EPB41: variants seen among roughly 807,000 people sequenced by gnomAD.
The protein encoded by EPB41 is protein 4.1.
A neutral mutation model predicts 108.0 loss-of-function variants in EPB41; 65 were observed. The observed-to-expected ratio is 0.60, with a 90% CI of 0.49 to 0.74. EPB41 has a LOEUF of 0.74. Among genes scored for constraint, EPB41 ranks in the 30% least tolerant of loss-of-function variants. The probability of loss-of-function intolerance (pLI) is 0.00; values close to 1 mark genes in which losing one functional copy is unlikely to be tolerated. For synonymous variants in EPB41, 336 were observed against 358.9 expected (o/e 0.94, Z 0.72); for missense variants, 875 against 1,037.0 (o/e 0.84, Z 2.15).
Position 29,018,356 on chromosome 1 carries a change from C to T in EPB41, c.1038C>T (p.Gly346=), listed in dbSNP as rs762375509. Residue 346 remains glycine, a synonymous_variant, in exon 7 of 21, where the codon GGC becomes GGT. Coordinates refer to ENST00000343067, the MANE Select transcript of EPB41 (RefSeq NM_001376013.1). The surrounding 1 kb of genome is among the most constrained non-coding windows in gnomAD (Gnocchi z 4.4). Reference sequence around the variant, plus strand: ...GAGACTACGACCCAGAACTCCATGGCGTGGATTATGTTAGTGATTTTAAAC... The same window carrying T: ...GAGACTACGACCCAGAACTCCATGGTGTGGATTATGTTAGTGATTTTAAAC... ...ELGDYDPELH[G]VDYVSDFKLA... is the part of the protein sequence containing the mutation. 9.9e-6 allele frequency: 16 copies of T among 1,613,940 alleles called. No homozygotes were observed. The highest frequency in any genetic ancestry group is 1.6e-4 in the Middle Eastern group (1 of 6,084).
intron 12 of EPB41, among the ~76,000 whole-genome samples, chr1:29,056,777 C>T (rs1483789109): frequency 6.6e-5 from 10 of 152,150 alleles, no homozygotes; most frequent in Non-Finnish European, 1.3e-4. Context: ...CCGCCCACCT[C>T]GGCCTCCCAA....
At chr1:29,078,539 A>G (rs536584569) in intron 16 of EPB41, among the ~76,000 whole-genome samples, 1 of 152,184 alleles carries the variant, frequency 6.6e-6, no homozygotes, top group South Asian at 2.1e-4. Flanking sequence ...CAGGAGGATC[A>G]CTTGAGGCCA....
intron 5 of EPB41, among the ~76,000 whole-genome samples, 169 bp from the exon 6 acceptor site, chr1:29,015,523 C>T (rs540989021): frequency 2.0e-5 from 3 of 151,564 alleles, no homozygotes; most frequent in South Asian, 2.1e-4. Flanking sequence ...CGCTAGATCA[C>T]GCTTCACGCT....
At chr1:29,057,390 A>AAAG (rs1553270977) in intron 12 of EPB41, among the ~76,000 whole-genome samples, 2 of 150,608 alleles carry the variant, frequency 1.3e-5, no homozygotes, top group Non-Finnish European at 3.0e-5. Flanking sequence ...AAAAAAAAAA[A>AAAG]AAAAAAGAAA....
chr1:29,101,242 GAGAA>G (rs1477989251), intron 17 of EPB41, among the ~76,000 whole-genome samples: 2 of 151,730 alleles, frequency 1.3e-5, no homozygotes, highest in Admixed American at 6.6e-5. Context: ...GAAAAAAAAA[GAGAA>G]AGAGAGAAAT....
chr1:29,080,685 G>A (rs1378428351), intron 16 of EPB41, among the ~76,000 whole-genome samples: 2 of 152,130 alleles, frequency 1.3e-5, no homozygotes, highest in African/African-American at 4.8e-5. Flanking sequence ...CACTGAGCCT[G>A]GTTTTGCGGA....
At chr1:28,972,256 C>T (rs745678924) in intron 1 of EPB41, among the ~76,000 whole-genome samples, 2 of 152,186 alleles carry the variant, frequency 1.3e-5, no homozygotes, top group Non-Finnish European at 2.9e-5. Context: ...AGAAATAAAA[C>T]TCAATTCGGT....
intron 5 of EPB41, among the ~76,000 whole-genome samples, chr1:29,014,590 G>A (rs1205153090): frequency 6.6e-6 from 1 of 151,712 alleles, no homozygotes; most frequent in African/African-American, 2.4e-5. Flanking sequence ...TTTAGAGATG[G>A]GGTTTCACTC....
chr1:28,902,334 T>C (rs2091395083), intron 1 of EPB41: 1 of 985,238 alleles, frequency 1.0e-6, no homozygotes. Flanking sequence ...TTTGCAGAAT[T>C]TCTAGTTGGG....
At chr1:29,096,500 A>G in intron 16 of EPB41, 1 of 985,914 alleles carries the variant, frequency 1.0e-6, no homozygotes, top group Non-Finnish European at 1.2e-6. Context: ...GGCAGAGAGT[A>G]GTGAAGAACA....
At chr1:29,044,068 A>G (rs549333284) in intron 11 of EPB41, among the ~76,000 whole-genome samples, 2 of 152,376 alleles carry the variant, frequency 1.3e-5, no homozygotes, top group East Asian at 3.8e-4. Context: ...AGGCATAATC[A>G]TTTAATCTTC....
chr1:28,897,643 GGGAGA>G (rs1416661928), intron 1 of EPB41, among the ~76,000 whole-genome samples: 1 of 23,170 alleles, frequency 4.3e-5, no homozygotes, highest in Non-Finnish European at 7.8e-5. Flanking sequence ...GGGAGAGGAG[GGGAGA>G]GGAGGGGAGG....
intron 16 of EPB41, among the ~76,000 whole-genome samples, chr1:29,073,461 C>A (rs533760225): frequency 6.6e-6 from 1 of 152,132 alleles, no homozygotes; most frequent in Non-Finnish European, 1.5e-5. Context: ...AATTCTTGGT[C>A]TTTTGGGAGC....
In EPB41 at chr1:28,901,217, C is replaced by CCG. The variant is rs1557621439; in HGVS notation, c.-8+14007_-8+14008insCG. 6.8e-5 allele frequency among the ~76,000 whole-genome samples: 10 copies of CCG among 147,528 alleles called. 1 individual carries two copies. Among genetic ancestry groups the CCG allele is most frequent in the South Asian group, 2.2e-4 (1 of 4,536 alleles). On this transcript the variant is annotated intron_variant, in intron 1 of 16. Transcript: ENST00000347529. ...GTGCTGGGATTACAGGCGTGAGCCA[C>CCG]TGCACCCGGCTATTTATTTACTTTT...
chr1:28,888,474 G>A (rs2147786504), intron 1 of EPB41, among the ~76,000 whole-genome samples: 1 of 152,328 alleles, frequency 6.6e-6, no homozygotes, highest in East Asian at 1.9e-4. Context: ...GCATGTTGGG[G>A]AGGAGGGTGG....
At chr1:29,034,044 G>T (rs542821042) in intron 9 of EPB41, among the ~76,000 whole-genome samples, 1 of 152,234 alleles carries the variant, frequency 6.6e-6, no homozygotes, top group East Asian at 1.9e-4. Flanking sequence ...ATCACCATCT[G>T]CTGGTGAATA....
intron 1 of EPB41, among the ~76,000 whole-genome samples, chr1:28,948,988 A>T (rs2094596928): frequency 6.6e-6 from 1 of 152,168 alleles, no homozygotes; most frequent in African/African-American, 2.4e-5. Context: ...TAGTTTAGGA[A>T]GTGTAATATT....
At chr1:29,079,057 G>A (rs911030357) in intron 16 of EPB41, among the ~76,000 whole-genome samples, 4 of 150,546 alleles carry the variant, frequency 2.7e-5, no homozygotes, top group African/African-American at 9.8e-5. Context: ...GTGCAATGGT[G>A]CGATCTCGGC....
chr1:29,079,665 C>T (rs1322585240), intron 16 of EPB41, among the ~76,000 whole-genome samples: 1 of 151,996 alleles, frequency 6.6e-6, no homozygotes, highest in Non-Finnish European at 1.5e-5. Flanking sequence ...CCTTCCTCAG[C>T]CTCTCACCGC....
Sources: gnomAD v4.1 joint callset for allele counts (sites outside exome capture counted in the v4.1 genomes callset) on GRCh38, gnomAD v4.1.1 for gene constraint, Gnocchi (gnomAD v3.1) non-coding constraint, MANE v1.5 for transcripts, NCBI Gene and HGNC (gene_info 2026-07-23, HGNC 2026-07-21) for gene names.